UGT1A6: variants seen among roughly 807,000 people sequenced by gnomAD.
The protein encoded by UGT1A6 is UDP glucuronosyltransferase family 1 member A6.
UGT1A6 carries 32 observed loss-of-function variants against 44.4 expected under a neutral mutation model. The observed-to-expected ratio is 0.72, with a 90% confidence interval of 0.54 to 0.97. The LOEUF is 0.97. UGT1A6 is among the 50% of genes least tolerant of loss of function. The probability of loss-of-function intolerance (pLI) is 0.00; values close to 1 mark genes in which losing one functional copy is unlikely to be tolerated. For synonymous variants in UGT1A6, 238 were observed against 248.5 expected (o/e 0.96, Z 0.40); for missense variants, 685 against 661.9 (o/e 1.03, Z -0.38).
At chr2:233,730,201 G>A (rs1312808089) in intron 1 of UGT1A6, among the ~76,000 whole-genome samples, 2 of 152,190 alleles carry the variant, frequency 1.3e-5, no homozygotes, top group Non-Finnish European at 2.9e-5. Context: ...AGAGGAAGAG[G>A]AAGTAGACAC....
intron 4 of UGT1A6, chr2:233,771,470 T>C (rs1389058308): frequency 2.0e-5 from 3 of 152,260 alleles, no homozygotes; most frequent in African/African-American, 7.2e-5. Context: ...TCATGCTAAA[T>C]CTAGCACCCA....
Position 233,772,633 on chromosome 2 carries a change from T to G in UGT1A6, c.*74T>G. The G allele has an allele frequency of 6.4e-7, 1 of 1,555,996 alleles. No homozygotes were observed. Among genetic ancestry groups the G allele is most frequent in the Non-Finnish European group, 8.7e-7 (1 of 1,149,842 alleles). On this transcript the variant is annotated 3_prime_UTR_variant, in exon 5 of 5. Transcript: ENST00000305139. ...TCCAAACTTGAAAACAGAATCAGTG[T>G]TAAATTCATTTTATTCTTATTAAGG... is the stretch of plus-strand genomic sequence containing the variant.
chr2:233,718,727 A>C (rs1248220003), intron 1 of UGT1A6: 2 of 1,610,746 alleles, frequency 1.2e-6, no homozygotes, highest in East Asian at 2.2e-5. Context: ...CTGATTTGCT[A>C]GGTGGCTCAA....
At chr2:233,707,961 T>C (rs971341619) in intron 1 of UGT1A6, among the ~76,000 whole-genome samples, 10 of 152,228 alleles carry the variant, frequency 6.6e-5, no homozygotes, top group Non-Finnish European at 1.2e-4. Flanking sequence ...CTTTTGCCCA[T>C]TCAAGTCTAT....
intron 1 of UGT1A6, among the ~76,000 whole-genome samples, chr2:233,765,461 A>G (rs963338723): frequency 3.9e-5 from 6 of 152,204 alleles, no homozygotes; most frequent in Non-Finnish European, 8.8e-5. Flanking sequence ...TTGCAAGGAC[A>G]TGGATGAAGC....
At chr2:233,764,278 T>C (rs1698524796) in intron 1 of UGT1A6, among the ~76,000 whole-genome samples, 1 of 152,134 alleles carries the variant, frequency 6.6e-6, no homozygotes, top group Admixed American at 6.5e-5. Flanking sequence ...CTTTGGTCAT[T>C]CCGGTAACTG....
rs887656290 is a variant in UGT1A6, at chr2:233,693,473, G to A, written c.469G>A (p.Val157Met). The stretch of plus-strand genomic sequence containing the variant: ...CACAGACCCAGCCTTACCCTGTGGG[G>A]TGATCCTGGCTGAGTATTTGGGCCT... Reference protein sequence around the residue: ...LFTDPALPCGVILAEYLGLPS... With the variant: ...LFTDPALPCGMILAEYLGLPS... Residue 157 changes from valine to methionine, a missense_variant, in exon 1 of 5, where the codon GTG (valine) becomes ATG (methionine). Coordinates refer to ENST00000305139, the MANE Select transcript of UGT1A6 (RefSeq NM_001072.4). 6.2e-7 allele frequency: 1 copy of A among 1,614,174 alleles called. No individual in the cohort carries two copies. Among genetic ancestry groups the A allele is most frequent in the Non-Finnish European group, 8.5e-7 (1 of 1,180,038 alleles).
chr2:233,730,285 A>G (rs2078010398), intron 1 of UGT1A6, among the ~76,000 whole-genome samples: 1 of 152,170 alleles, frequency 6.6e-6, no homozygotes, highest in Admixed American at 6.5e-5. Context: ...CACCATCTTC[A>G]TGGTTGTGCA....
In UGT1A6 at chr2:233,772,527, G is replaced by T; in HGVS notation, c.1567G>T (p.Val523Phe). Reference sequence around the variant, plus strand: ...GAAATGCTTGGGGAAAAAAGGGCGAGTTAAGAAAGCCCACAAATCCAAGAC... The same window carrying T: ...GAAATGCTTGGGGAAAAAAGGGCGATTTAAGAAAGCCCACAAATCCAAGAC... ...YRKCLGKKGR[V>F]KKAHKSKTH The change falls in exon 5 of 5, where the codon GTT (valine) becomes TTT (phenylalanine). Residue 523 changes from valine (V) to phenylalanine (F), a missense_variant. Transcript: ENST00000305139. 6.2e-7 allele frequency: 1 copy of T among 1,614,164 alleles called. No homozygotes were observed. Among genetic ancestry groups the T allele is most frequent in the Non-Finnish European group, 8.5e-7 (1 of 1,180,040 alleles).
intron 1 of UGT1A6, chr2:233,744,001 A>C (rs2125858946): frequency 2.5e-6 from 3 of 1,207,932 alleles, no homozygotes; most frequent in Admixed American, 2.6e-5. Context: ...GAGTGCTCGG[A>C]GACCTGGGCC....
At chr2:233,725,145 C>G (rs1322618816) in intron 1 of UGT1A6, among the ~76,000 whole-genome samples, 10 of 128,172 alleles carry the variant, frequency 7.8e-5, no homozygotes, top group African/African-American at 3.4e-4. Context: ...CAGTACAGTC[C>G]AGCTTCGGCT....
chr2:233,766,907 C>G (rs1383334189), intron 1 of UGT1A6, 127 bp from the exon 2 acceptor site: 28 of 1,506,666 alleles, frequency 1.9e-5, no homozygotes, highest in African/African-American at 1.4e-5. Flanking sequence ...TAATTTTTTA[C>G]TCTATCTCAA....
intron 4 of UGT1A6, 116 bp from the exon 5 acceptor site, chr2:233,772,146 G>A: frequency 6.4e-7 from 1 of 1,552,532 alleles, no homozygotes; most frequent in Non-Finnish European, 8.7e-7. Flanking sequence ...ATAGAAACAG[G>A]TTTCCTTTCC....
At chr2:233,704,135 C>T (rs2075769183) in intron 1 of UGT1A6, among the ~76,000 whole-genome samples, 1 of 152,108 alleles carries the variant, frequency 6.6e-6, no homozygotes, top group Non-Finnish European at 1.5e-5. Flanking sequence ...AAGTGATCCA[C>T]CCGCCTCAGC....
At chr2:233,735,161 A>C (rs139257330) in intron 1 of UGT1A6, among the ~76,000 whole-genome samples, 2,795 of 152,264 alleles carry the variant, frequency 0.018, 41 homozygotes, top group Non-Finnish European at 0.028. Context: ...GTCTCTGTGT[A>C]GGTCTCTAAG....
intron 1 of UGT1A6, among the ~76,000 whole-genome samples, chr2:233,709,269 C>T (rs2076069252): frequency 1.3e-5 from 2 of 152,136 alleles, no homozygotes; most frequent in Non-Finnish European, 2.9e-5. Flanking sequence ...CTTGTCCACG[C>T]TGTGAATTAC....
intron 1 of UGT1A6, chr2:233,743,571 C>T: frequency 7.3e-7 from 1 of 1,367,316 alleles, no homozygotes; most frequent in African/African-American, 1.5e-5. Flanking sequence ...AGCGGGTTTC[C>T]CAAGAGGTCA....
Position 233,772,564 on chromosome 2 carries a change from TG to T in UGT1A6, c.*8del, listed in dbSNP as rs1250920366. 1 of 1,613,176 alleles carries T rather than the reference TG, an allele frequency of 6.2e-7. No individual in the cohort carries two copies. The highest frequency in any genetic ancestry group is 1.7e-5 in the Admixed American group (1 of 59,848). On this transcript the variant is annotated 3_prime_UTR_variant, in exon 5 of 5. Transcript: ENST00000305139. ...CACAAATCCAAGACCCATTGAGAAGTGGGTGGGAAATAAGGTAAAATTTTGA... is the reference window on the plus strand; with the variant it reads ...CACAAATCCAAGACCCATTGAGAAGTGGTGGGAAATAAGGTAAAATTTTGA...
At chr2:233,710,391 A>G (rs2076129551) in intron 1 of UGT1A6, among the ~76,000 whole-genome samples, 1 of 152,224 alleles carries the variant, frequency 6.6e-6, no homozygotes. Context: ...GCAACGCATT[A>G]GAGTTCTGGC....
Sources: gnomAD v4.1 joint callset for allele counts (sites outside exome capture counted in the v4.1 genomes callset) on GRCh38, gnomAD v4.1.1 for gene constraint, MANE v1.5 for transcripts, NCBI Gene and HGNC (gene_info 2026-07-23, HGNC 2026-07-21) for gene names.